C8orf34: variants seen among roughly 807,000 people sequenced by gnomAD.
The protein encoded by C8orf34 is uncharacterized protein C8orf34.
C8orf34 carries 65 observed loss-of-function variants against 68.3 expected under a neutral mutation model. The observed-to-expected ratio is 0.95, with a 90% CI of 0.78 to 1.17. C8orf34 has a LOEUF of 1.17. Ranked by LOEUF, C8orf34 falls within the 50% of genes most tolerant of loss-of-function variation. C8orf34 has a pLI of 0.00. For synonymous variants in C8orf34, 244 were observed against 241.2 expected, an observed-to-expected ratio of 1.01 and a Z score of -0.11; for missense variants, 664 against 655.4, an observed-to-expected ratio of 1.01 and a Z score of -0.14.
At chr8:68,389,243 G>T (rs1808382397) in intron 1 of C8orf34, among the ~76,000 whole-genome samples, 1 of 152,138 alleles carries the variant, frequency 6.6e-6, no homozygotes, top group African/African-American at 2.4e-5. Flanking sequence ...AAAGTTCAAA[G>T]ACCTGGTTTC....
At chr8:68,355,715 G>A (rs1585974072) in intron 1 of C8orf34, among the ~76,000 whole-genome samples, 1 of 152,274 alleles carries the variant, frequency 6.6e-6, no homozygotes, top group East Asian at 1.9e-4. Flanking sequence ...ACTGGGCAGG[G>A]CAAAGTGTAC....
intron 10 of C8orf34, among the ~76,000 whole-genome samples, chr8:68,753,362 A>G (rs1374116839): frequency 2.0e-5 from 3 of 152,166 alleles, no homozygotes; most frequent in Non-Finnish European, 4.4e-5. Context: ...AAAAAAGTGG[A>G]AAGTGAAATG....
rs1004544135 is a variant in C8orf34 at position 68,505,622 on chromosome 8, T to G, written c.766-16177T>G. On this transcript the variant is annotated intron_variant, in intron 5 of 13. Coordinates refer to ENST00000518698, the MANE Select transcript of C8orf34 (RefSeq NM_052958.4). ...GGCGGGCGCCTGTAGTCCCAGCTAC[T>G]CGGGAGGCTGAGGCAGGAGAATGGC... Among the ~76,000 whole-genome samples, 3 of 131,904 alleles carry G rather than the reference T, an allele frequency of 2.3e-5. 1 individual carries two copies. Among genetic ancestry groups the G allele is most frequent in the Non-Finnish European group, 4.5e-5 (3 of 66,010 alleles). 86.5% of individuals were successfully genotyped at this position (131,904 alleles called of 152,430 possible). A position where few individuals can be genotyped will look rare whatever the true frequency, so the allele number is the denominator to read the frequency against.
intron 12 of C8orf34, chr8:68,792,012 C>A (rs1184980781): frequency 1.3e-5 from 2 of 152,114 alleles, no homozygotes; most frequent in Non-Finnish European, 2.9e-5. Flanking sequence ...GTCAGAAACC[C>A]CACATTATAA....
intron 6 of C8orf34, among the ~76,000 whole-genome samples, chr8:68,522,667 G>T (rs556406786): frequency 6.6e-6 from 1 of 152,196 alleles, no homozygotes; most frequent in African/African-American, 2.4e-5. Context: ...ACTATATTCA[G>T]AGTAATTTTT....
At chr8:68,785,625 C>T (rs1201237419) in intron 11 of C8orf34, among the ~76,000 whole-genome samples, 1 of 150,968 alleles carries the variant, frequency 6.6e-6, no homozygotes, top group Non-Finnish European at 1.5e-5. Context: ...ATCTGTAACA[C>T]ATTTATGTTC....
intron 1 of C8orf34, among the ~76,000 whole-genome samples, chr8:68,352,968 G>T (rs918821546): frequency 1.3e-5 from 2 of 152,002 alleles, no homozygotes; most frequent in Non-Finnish European, 2.9e-5. Context: ...TATTTTTAAG[G>T]GACTGAATCT....
chr8:68,766,281 C>T (rs1010878076), intron 10 of C8orf34, among the ~76,000 whole-genome samples: 4 of 152,058 alleles, frequency 2.6e-5, no homozygotes, highest in Non-Finnish European at 4.4e-5. Flanking sequence ...TCACCTTAGC[C>T]GTTTAGTCAT....
intron 1 of C8orf34, among the ~76,000 whole-genome samples, chr8:68,347,194 A>G (rs898285490): frequency 6.6e-5 from 10 of 152,000 alleles, no homozygotes; most frequent in Non-Finnish European, 1.3e-4. Context: ...GCTCCCACTT[A>G]TAGATGAGAA....
chr8:68,754,767 G>A (rs559910527), intron 10 of C8orf34, among the ~76,000 whole-genome samples: 8 of 152,212 alleles, frequency 5.3e-5, no homozygotes, highest in African/African-American at 1.2e-4. Context: ...TACCAGTCAC[G>A]GAAAAAGTAC....
intron 2 of C8orf34, among the ~76,000 whole-genome samples, chr8:68,440,794 C>CATATTAAACT (rs1563440902): frequency 7.3e-6 from 1 of 136,772 alleles, no homozygotes; most frequent in African/African-American, 2.7e-5. Context: ...GAGAAAGGAA[C>CATATTAAACT]ATATTAAACT....
At chr8:68,446,611 T>C (rs1811136492) in intron 3 of C8orf34, 151 bp downstream of exon 3, 4 of 708,174 alleles carry the variant, frequency 5.6e-6, no homozygotes, top group Non-Finnish European at 9.1e-6. Flanking sequence ...CGCATTTACA[T>C]TGATCTTCAT....
intron 3 of C8orf34, among the ~76,000 whole-genome samples, chr8:68,466,666 G>T (rs1246066633): frequency 2.0e-5 from 3 of 149,356 alleles, no homozygotes; most frequent in African/African-American, 5.0e-5. Context: ...TACTAACAGG[G>T]TTTTGCGGCC....
At chr8:68,331,459 G>A in intron 1 of C8orf34, 120 bp downstream of exon 1, 1 of 1,126,662 alleles carries the variant, frequency 8.9e-7, no homozygotes. Flanking sequence ...CCAACGCGCG[G>A]GAGAGGGCGC....
chr8:68,749,419 A>G (rs1420161939), intron 10 of C8orf34, among the ~76,000 whole-genome samples: 1 of 152,174 alleles, frequency 6.6e-6, no homozygotes, highest in Non-Finnish European at 1.5e-5. Context: ...AACACAGAAC[A>G]GAAAGGACAA....
intron 10 of C8orf34, among the ~76,000 whole-genome samples, chr8:68,748,879 A>G (rs184060769): frequency 0.027 from 4,092 of 152,316 alleles, 83 homozygotes; most frequent in Middle Eastern, 0.095. Flanking sequence ...CAGCCATCCC[A>G]TTACTGGGTA....
At position 68,476,837 on chromosome 8, in the gene C8orf34, C is replaced by G. The variant is rs183646698; in HGVS notation, c.736+8017C>G. ...TCATAGGATATAAAGACAGTTTATT[C>G]ACAATCTCTATAAGTTGGCTGAAAC... On this transcript the variant is annotated intron_variant, in intron 4 of 13. Transcript: ENST00000518698. Among the ~76,000 whole-genome samples the G allele has an allele frequency of 3.4e-3, 522 of 152,258 alleles. 5 individuals carry two copies. The highest frequency in any genetic ancestry group is 2.8e-3 in the Non-Finnish European group (190 of 68,016).
chr8:68,548,792 G>A (rs940466289), intron 7 of C8orf34, among the ~76,000 whole-genome samples: 7 of 151,750 alleles, frequency 4.6e-5, no homozygotes, highest in African/African-American at 1.2e-4. Flanking sequence ...AGGAGAATAT[G>A]TAAACAAATT....
intron 8 of C8orf34, among the ~76,000 whole-genome samples, chr8:68,680,525 CA>C (rs1820337070): frequency 6.6e-6 from 1 of 152,044 alleles, no homozygotes; most frequent in Admixed American, 6.6e-5. Flanking sequence ...TTAAGGGTTT[CA>C]AAAGGGGAGG....
Sources: allele counts gnomAD v4.1 joint callset (sites outside exome capture counted in the v4.1 genomes callset), GRCh38; gene constraint gnomAD v4.1.1; transcripts MANE v1.5; gene names NCBI Gene and HGNC (gene_info 2026-07-23, HGNC 2026-07-21).